BATF: variants seen among roughly 807,000 people sequenced by gnomAD.
BATF encodes basic leucine zipper ATF-like transcription factor.
Under a neutral mutation model 13.7 loss-of-function variants are expected in BATF, and 5 were observed. That is an observed-to-expected ratio of 0.36 (90% CI 0.19 to 0.77). The LOEUF (loss-of-function observed/expected upper bound fraction) is 0.77, where lower values mean the gene tolerates loss of function less well. Ranked by LOEUF, BATF falls within the 30% of genes least tolerant of loss-of-function variation. The pLI is 0.51. For synonymous variants in BATF, 72 were observed against 67.5 expected (o/e 1.07, Z -0.33); for missense variants, 124 against 163.0 (o/e 0.76, Z 1.30).
chr14:75,532,380 A>C (rs1376166927), intron 2 of BATF, among the ~76,000 whole-genome samples: 1 of 152,238 alleles, frequency 6.6e-6, no homozygotes, highest in Non-Finnish European at 1.5e-5. Context: ...TTTACTTTCA[A>C]TACAGTATAT....
At chr14:75,543,356 AT>A (rs1887928840) in intron 2 of BATF, among the ~76,000 whole-genome samples, 1 of 152,150 alleles carries the variant, frequency 6.6e-6, no homozygotes, top group African/African-American at 2.4e-5. Context: ...CATTCAAGAA[AT>A]GCCAGGTTGA....
In BATF at chr14:75,539,424, A is replaced by ATTTTTTTTTTTT. The variant is rs1162218076; in HGVS notation, c.169-7022_169-7011dup. Among the ~76,000 whole-genome samples, 289 of 58,544 alleles carry ATTTTTTTTTTTT rather than the reference A, an allele frequency of 4.9e-3. 52 individuals are homozygous for ATTTTTTTTTTTT. The highest frequency in any genetic ancestry group is 0.017 in the African/African-American group (245 of 14,082). The allele number at this position is 58,544 out of a possible 152,430, so 38.4% of individuals were successfully genotyped here. ...TAGCTACAAGGTAAGGTAAGCTGGA[A>ATTTTTTTTTTTT]TTTTTTTTTTTTTTTTTTTTTTTTT... On this transcript the variant is annotated intron_variant, in intron 2 of 2. Transcript: ENST00000286639.
At chr14:75,541,415 G>A (rs1274963570) in intron 2 of BATF, among the ~76,000 whole-genome samples, 1 of 152,196 alleles carries the variant, frequency 6.6e-6, no homozygotes, top group Non-Finnish European at 1.5e-5. Context: ...GCTCACCGTG[G>A]TCATGAGTTC....
At chr14:75,540,947 T>C (rs1887887288) in intron 2 of BATF, among the ~76,000 whole-genome samples, 1 of 151,900 alleles carries the variant, frequency 6.6e-6, no homozygotes, top group Non-Finnish European at 1.5e-5. Flanking sequence ...GTTAGCCAAG[T>C]GTATTGGCGG....
At chr14:75,538,584 A>G (rs1400721872) in intron 2 of BATF, among the ~76,000 whole-genome samples, 1 of 152,208 alleles carries the variant, frequency 6.6e-6, no homozygotes, top group Non-Finnish European at 1.5e-5. Context: ...ATACTCTGTC[A>G]CATACAGTGG....
chr14:75,539,684 C>G (rs1887868319), intron 2 of BATF, among the ~76,000 whole-genome samples: 1 of 152,112 alleles, frequency 6.6e-6, no homozygotes, highest in Admixed American at 6.5e-5. Flanking sequence ...CCTAGAGCTT[C>G]AGCTCTAAGA....
rs933258273 is a variant in BATF at position 75,529,985 on chromosome 14, A to T, written c.168+4797A>T. ...AGGCTGAGGCAGGAGAATGGCGTGA[A>T]CCCGGGAGGCGGAGCTTGCAGTGAA... On this transcript the variant is annotated intron_variant, in intron 2 of 2. Transcript: ENST00000286639. Among the ~76,000 whole-genome samples, 11 of 150,004 alleles carry T rather than the reference A, an allele frequency of 7.3e-5. No individual in the cohort carries two copies. In the Admixed American group the frequency reaches 7.5e-4, roughly 10 times the overall value.
intron 2 of BATF, among the ~76,000 whole-genome samples, chr14:75,543,615 G>A (rs1458308009): frequency 6.6e-6 from 1 of 151,890 alleles, no homozygotes; most frequent in East Asian, 1.9e-4. Context: ...CATCAGTGAG[G>A]CTGGAGTGCA....
chr14:75,532,690 C>T (rs1045027866), intron 2 of BATF, among the ~76,000 whole-genome samples: 4 of 152,026 alleles, frequency 2.6e-5, no homozygotes, highest in Non-Finnish European at 4.4e-5. Context: ...GAAGATGAAG[C>T]ATATTATGAT....
intron 2 of BATF, among the ~76,000 whole-genome samples, chr14:75,537,719 A>T (rs1374362841): frequency 6.6e-6 from 1 of 152,166 alleles, no homozygotes; most frequent in Non-Finnish European, 1.5e-5. Flanking sequence ...TTAAATGGAC[A>T]TTTTGTTTTA....
At chr14:75,535,589 C>A (rs1887805402) in intron 2 of BATF, among the ~76,000 whole-genome samples, 1 of 152,098 alleles carries the variant, frequency 6.6e-6, no homozygotes, top group Non-Finnish European at 1.5e-5. Flanking sequence ...TGGAGGACAT[C>A]AAGTACAAAG....
At chr14:75,542,865 C>A (rs139510960) in intron 2 of BATF, among the ~76,000 whole-genome samples, 1 of 152,184 alleles carries the variant, frequency 6.6e-6, no homozygotes, top group African/African-American at 2.4e-5. Context: ...GGGAGGCAGA[C>A]GACAGAGCTA....
chr14:75,541,360 C>A (rs1159496758), intron 2 of BATF, among the ~76,000 whole-genome samples: 1 of 152,210 alleles, frequency 6.6e-6, no homozygotes, highest in Non-Finnish European at 1.5e-5. Flanking sequence ...GATCACCCAG[C>A]CAGGACCAGG....
intron 2 of BATF, among the ~76,000 whole-genome samples, chr14:75,535,521 A>C (rs1180759342): frequency 6.6e-6 from 1 of 152,104 alleles, no homozygotes; most frequent in East Asian, 1.9e-4. Flanking sequence ...GTTATACTGT[A>C]TTTTTTTATT....
In BATF at chr14:75,541,476, T is replaced by C. The variant is rs565522396; in HGVS notation, c.169-4986T>C. ...AGGTCTGGCCTCGAGTCAGCCCTTG[T>C]CCAGAATATCTGGCCAGGTGACCCC... On this transcript the variant is annotated intron_variant, in intron 2 of 2. Coordinates refer to ENST00000286639, the MANE Select transcript of BATF (RefSeq NM_006399.5). Among the ~76,000 whole-genome samples, 25 of 152,242 alleles carry C rather than the reference T, an allele frequency of 1.6e-4. No individual in the cohort carries two copies. In the South Asian group the frequency reaches 3.9e-3, roughly 24 times the overall value.
intron 1 of BATF, 79 bp downstream of exon 1, chr14:75,522,824 C>A: frequency 6.4e-7 from 1 of 1,572,562 alleles, no homozygotes; most frequent in East Asian, 2.3e-5. Context: ...CTTGTCCTGC[C>A]CAGGGAGCTG....
chr14:75,522,594 C>T lies in BATF; in HGVS notation c.-89C>T. ...CTGTAGGGGGTGGTGGGCTGGTGGC[C>T]CAGGAGAAGTCAGGAAGGGAGCCCA... On this transcript the variant is annotated 5_prime_UTR_variant, in exon 1 of 3. Transcript: ENST00000286639. 6.6e-7 allele frequency: 1 copy of T among 1,507,786 alleles called. No homozygotes were observed. The highest frequency in any genetic ancestry group is 9.2e-7 in the Non-Finnish European group (1 of 1,086,474). The allele number at this position is 1,507,786 out of a possible 1,614,324, so 93.4% of individuals were successfully genotyped here. A position where few individuals can be genotyped will look rare whatever the true frequency, so the allele number is the denominator to read the frequency against.
At position 75,546,678 on chromosome 14, in the gene BATF, G is replaced by C. The variant is rs774866236; in HGVS notation, c.*7G>C. 6.3e-7 allele frequency: 1 copy of C among 1,576,960 alleles called. No individual in the cohort carries two copies. The highest frequency in any genetic ancestry group is 8.6e-7 in the Non-Finnish European group (1 of 1,161,906). On this transcript the variant is annotated 3_prime_UTR_variant, in exon 3 of 3. Coordinates refer to ENST00000286639, the MANE Select transcript of BATF (RefSeq NM_006399.5). Reference sequence around the variant, plus strand: ...CCCGCGCTTCCAGCCCTGAGCTTCCGATGCGGGGAGAGCAGAGCCTCGGGA... The same window carrying C: ...CCCGCGCTTCCAGCCCTGAGCTTCCCATGCGGGGAGAGCAGAGCCTCGGGA...
At chr14:75,527,745 C>T (rs1887674506) in intron 2 of BATF, among the ~76,000 whole-genome samples, 1 of 152,192 alleles carries the variant, frequency 6.6e-6, no homozygotes, top group Non-Finnish European at 1.5e-5. Context: ...CATAGCCACA[C>T]CCCAGCCTCA....
Sources: gnomAD v4.1 joint callset for allele counts (sites outside exome capture counted in the v4.1 genomes callset) on GRCh38, gnomAD v4.1.1 for gene constraint, MANE v1.5 for transcripts, NCBI Gene and HGNC (gene_info 2026-07-23, HGNC 2026-07-21) for gene names.